The following COBLL1 variants were observed in gnomAD, a reference collection of about 807,000 sequenced individuals.
COBLL1 encodes cordon-bleu protein-like 1.
COBLL1 carries 50 observed loss-of-function variants against 94.8 expected under a neutral mutation model. The ratio of observed to expected loss-of-function variants is 0.53; its 90% CI spans 0.42 to 0.67. The LOEUF is 0.67. Among genes scored for constraint, COBLL1 ranks in the 30% least tolerant of loss-of-function variants. The pLI, the probability that COBLL1 is intolerant of heterozygous loss-of-function variation, is 0.00. For synonymous variants in COBLL1, 448 were observed against 473.8 expected, an observed-to-expected ratio of 0.95 and a Z score of 0.71; for missense variants, 1,362 against 1,348.7, an observed-to-expected ratio of 1.01 and a Z score of -0.15.
chr2:164,719,831 C>G (rs1685356891), intron 7 of COBLL1, among the ~76,000 whole-genome samples: 1 of 151,456 alleles, frequency 6.6e-6, no homozygotes, highest in Non-Finnish European at 1.5e-5. Flanking sequence ...CCCACAAACT[C>G]AAAAAAGAAG....
At chr2:164,720,433 C>T (rs1021229164) in intron 7 of COBLL1, among the ~76,000 whole-genome samples, 15 of 151,916 alleles carry the variant, frequency 9.9e-5, no homozygotes, top group Non-Finnish European at 2.2e-4. Flanking sequence ...CTTGGGGAGC[C>T]AAGTACAAAG....
intron 1 of COBLL1, among the ~76,000 whole-genome samples, chr2:164,674,004 T>C (rs1353287999): frequency 6.6e-6 from 1 of 152,230 alleles, no homozygotes. Flanking sequence ...GTATTTCTAA[T>C]GGTCTATGCC....
intron 2 of COBLL1, among the ~76,000 whole-genome samples, chr2:164,754,561 T>C (rs1027749603): frequency 6.6e-6 from 1 of 152,156 alleles, no homozygotes; most frequent in Non-Finnish European, 1.5e-5. Context: ...AGCCTACACC[T>C]TGACTGCAGT....
chr2:164,695,267 G>C lies in COBLL1; in HGVS notation c.2125C>G (p.Gln709Glu). The change falls in exon 12 of 14, where the codon CAG becomes GAG. Residue 709 changes from glutamine to glutamate, a missense_variant. Physicochemically the swap from Gln to Glu is conservative, Grantham distance 29. Transcript: ENST00000652658. ...SYLKNYPLYR[Q>E]DYNPKPKPSN... ...GGTTTTGGCTTGGGATTGTAGTCCT[G>C]TCTATAAAGTGGGTAATTCTTTAGG... 1 of 1,613,852 alleles carries C rather than the reference G, an allele frequency of 6.2e-7. No individual in the cohort carries two copies. The highest frequency in any genetic ancestry group is 2.2e-5 in the East Asian group (1 of 44,866).
intron 3 of COBLL1, among the ~76,000 whole-genome samples, chr2:164,739,750 A>G (rs897134772): frequency 6.6e-6 from 1 of 152,236 alleles, no homozygotes; most frequent in Non-Finnish European, 1.5e-5. Context: ...TTTATATGGT[A>G]GTAACAAAGC....
At chr2:164,784,753 T>C (rs182980840) in intron 2 of COBLL1, among the ~76,000 whole-genome samples, 25 of 152,246 alleles carry the variant, frequency 1.6e-4, no homozygotes, top group African/African-American at 5.3e-4. Context: ...CTTTACACTG[T>C]GGATTCCCTT....
At position 164,684,494 on chromosome 2, in the gene COBLL1, C is replaced by A. The variant is rs540142559; in HGVS notation, c.*1452G>T. 2.0e-5 allele frequency: 3 copies of A among 152,194 alleles called. No homozygotes were observed. In the South Asian group the frequency reaches 6.2e-4, roughly 32 times the overall value. The allele number at this position is 152,194 out of a possible 1,614,324, so 9.4% of individuals were successfully genotyped here. A position where few individuals can be genotyped will look rare whatever the true frequency, so the allele number is the denominator to read the frequency against. On this transcript the variant is annotated 3_prime_UTR_variant, in exon 14 of 14. Transcript: ENST00000652658. Reference sequence around the variant, plus strand: ...AACTTAAGTATCTATATATGAGGGTCTCTCCAACTGATTCAAGGAAAACAG... The same window carrying A: ...AACTTAAGTATCTATATATGAGGGTATCTCCAACTGATTCAAGGAAAACAG...
At chr2:164,819,966 CA>C (rs1685079906) in intron 2 of COBLL1, among the ~76,000 whole-genome samples, 1 of 150,028 alleles carries the variant, frequency 6.7e-6, no homozygotes, top group Non-Finnish European at 1.5e-5. Flanking sequence ...GCTGGAATTA[CA>C]GGCATCTGCC....
chr2:164,720,931 T>A (rs748300680), intron 7 of COBLL1, among the ~76,000 whole-genome samples: 1 of 152,226 alleles, frequency 6.6e-6, no homozygotes, highest in African/African-American at 2.4e-5. Flanking sequence ...TGAGATTTTA[T>A]AAGATGAGAT....
At chr2:164,778,624 C>T (rs1049073356) in intron 2 of COBLL1, among the ~76,000 whole-genome samples, 11 of 152,080 alleles carry the variant, frequency 7.2e-5, no homozygotes, top group Non-Finnish European at 1.5e-4. Context: ...CCAAGCAAAG[C>T]CTTGTAGGCC....
intron 2 of COBLL1, among the ~76,000 whole-genome samples, chr2:164,755,845 A>C (rs355826): frequency 0.23 from 35,454 of 152,062 alleles, 4,788 homozygotes; most frequent in African/African-American, 0.37. Flanking sequence ...CATACTTTTC[A>C]TGTATATATA....
At chr2:164,809,695 C>G (rs1247263129) in intron 2 of COBLL1, among the ~76,000 whole-genome samples, 2 of 151,922 alleles carry the variant, frequency 1.3e-5, no homozygotes, top group African/African-American at 4.8e-5. Context: ...ATTAAACAGA[C>G]TATAAAATAA....
chr2:164,805,321 C>CTATATA (rs1559033315), intron 2 of COBLL1, among the ~76,000 whole-genome samples: 4 of 35,580 alleles, frequency 1.1e-4, no homozygotes, highest in Non-Finnish European at 1.7e-4. Flanking sequence ...CTCTCTCTCT[C>CTATATA]TCTCTCTCTC....
intron 2 of COBLL1, among the ~76,000 whole-genome samples, chr2:164,808,364 G>A (rs955469940): frequency 6.6e-6 from 1 of 152,064 alleles, no homozygotes; most frequent in Non-Finnish European, 1.5e-5. Flanking sequence ...AGGCCCTCAT[G>A]GTAAGGTTTA....
chr2:164,791,794 A>G (rs1683200838), intron 2 of COBLL1, among the ~76,000 whole-genome samples: 2 of 152,090 alleles, frequency 1.3e-5, no homozygotes, highest in South Asian at 2.1e-4. Flanking sequence ...TGGTGTCACC[A>G]GACCTGAAGG....
chr2:164,803,061 A>C (rs927865439), intron 2 of COBLL1, among the ~76,000 whole-genome samples: 10 of 152,210 alleles, frequency 6.6e-5, no homozygotes, highest in African/African-American at 2.2e-4. Context: ...TCAAATAAAA[A>C]ATTTTCCACT....
At chr2:164,674,725 C>G (rs191148026) in intron 1 of COBLL1, among the ~76,000 whole-genome samples, 102 of 152,234 alleles carry the variant, frequency 6.7e-4, no homozygotes, top group Non-Finnish European at 1.2e-3. Context: ...AGCTTTTACA[C>G]TACAATTATG....
chr2:164,761,166 T>TGGGAG (rs1687663416), intron 2 of COBLL1: 1 of 152,400 alleles, frequency 6.6e-6, no homozygotes, highest in Non-Finnish European at 1.5e-5. Context: ...CCCAGCACTT[T>TGGGAG]GGGAGGCCAA....
intron 9 of COBLL1, chr2:164,703,181 GTGCACTGCTCC>G: frequency 6.2e-7 from 1 of 1,613,882 alleles, no homozygotes; most frequent in Non-Finnish European, 8.5e-7. Flanking sequence ...TTTGGGCGCA[GTGCACTGCTCC>G]TGACTGGAAA....
Sources: allele counts gnomAD v4.1 joint callset (sites outside exome capture counted in the v4.1 genomes callset), GRCh38; gene constraint gnomAD v4.1.1; transcripts MANE v1.5; gene names NCBI Gene and HGNC (gene_info 2026-07-23, HGNC 2026-07-21).